Variants in CSMD1 observed in about 807,000 individuals in gnomAD.
The protein encoded by CSMD1 is CUB and sushi domain-containing protein 1.
A neutral mutation model predicts 417.5 loss-of-function variants in CSMD1; 213 were observed. The ratio of observed to expected loss-of-function variants is 0.51; its 90% CI spans 0.46 to 0.57. The LOEUF (loss-of-function observed/expected upper bound fraction) is 0.57. CSMD1 is among the 20% of genes least tolerant of loss of function. The pLI, the probability that CSMD1 is intolerant of heterozygous loss-of-function variation, is 0.00. For synonymous variants in CSMD1, 2,862 were observed against 1,736.8 expected, an observed-to-expected ratio of 1.65 and a Z score of -16.11; for missense variants, 6,923 against 4,529.7, an observed-to-expected ratio of 1.53 and a Z score of -15.17.
chr8:4,231,951 C>T (rs1271967527), intron 3 of CSMD1, among the ~76,000 whole-genome samples: 1 of 152,074 alleles, frequency 6.6e-6, no homozygotes, highest in Non-Finnish European at 1.5e-5. Context: ...CCTTTTCTAC[C>T]TCCTCCTTTC....
intron 3 of CSMD1, among the ~76,000 whole-genome samples, chr8:4,033,888 T>C (rs1052708060): frequency 1.9e-4 from 29 of 152,198 alleles, no homozygotes; most frequent in African/African-American, 7.0e-4. Flanking sequence ...TGGATGAAAT[T>C]CATCATTGTT....
intron 5 of CSMD1, among the ~76,000 whole-genome samples, chr8:3,882,425 G>T (rs1806268646): frequency 6.6e-6 from 1 of 152,162 alleles, no homozygotes. Flanking sequence ...TTGGTTATGT[G>T]GAGCAACTGG....
chr8:4,663,251 A>G (rs1178479072), intron 1 of CSMD1, among the ~76,000 whole-genome samples: 1 of 152,188 alleles, frequency 6.6e-6, no homozygotes, highest in Non-Finnish European at 1.5e-5. Flanking sequence ...ACTTTTCATT[A>G]CCTGTATATA....
intron 2 of CSMD1, among the ~76,000 whole-genome samples, chr8:4,505,393 T>G (rs1420752233): frequency 6.6e-6 from 1 of 151,426 alleles, no homozygotes; most frequent in Non-Finnish European, 1.5e-5. Flanking sequence ...TCTAAGATGA[T>G]AAATAAAGAT....
chr8:4,275,119 A>G (rs1280869548), intron 3 of CSMD1, among the ~76,000 whole-genome samples: 1 of 152,220 alleles, frequency 6.6e-6, no homozygotes. Context: ...CCTTATAAAG[A>G]TAACCAATGA....
chr8:3,361,035 A>C (rs1809128701), intron 20 of CSMD1, among the ~76,000 whole-genome samples: 1 of 152,174 alleles, frequency 6.6e-6, no homozygotes, highest in Non-Finnish European at 1.5e-5. Context: ...TTAGATAAGC[A>C]ATCTACTCTG....
chr8:4,519,258 G>A (rs1803296686), intron 2 of CSMD1, among the ~76,000 whole-genome samples: 1 of 151,964 alleles, frequency 6.6e-6, no homozygotes, highest in South Asian at 2.1e-4. Flanking sequence ...TGCTGGCCTG[G>A]CAAATTATAT....
At chr8:4,402,469 C>G (rs1432422556) in intron 3 of CSMD1, among the ~76,000 whole-genome samples, 1 of 152,142 alleles carries the variant, frequency 6.6e-6, no homozygotes, top group Non-Finnish European at 1.5e-5. Flanking sequence ...GCTTCCTGGT[C>G]TCTCTGTATG....
chr8:4,659,568 T>A (rs954957514), intron 1 of CSMD1, among the ~76,000 whole-genome samples: 1 of 152,032 alleles, frequency 6.6e-6, no homozygotes, highest in Non-Finnish European at 1.5e-5. Context: ...TTCACACATA[T>A]CAGATACCCA....
chr8:3,698,200 G>T (rs184727062), intron 7 of CSMD1, among the ~76,000 whole-genome samples: 145 of 152,290 alleles, frequency 9.5e-4, no homozygotes, highest in Middle Eastern at 3.4e-3. Flanking sequence ...CACTTGAAAA[G>T]ATATTTTAGC....
At chr8:3,753,677 G>C (rs1035059991) in intron 6 of CSMD1, among the ~76,000 whole-genome samples, 1 of 152,102 alleles carries the variant, frequency 6.6e-6, no homozygotes, top group Non-Finnish European at 1.5e-5. Flanking sequence ...ATAATAAATA[G>C]CTATTGATTA....
intron 3 of CSMD1, among the ~76,000 whole-genome samples, chr8:4,065,045 T>A (rs1799173753): frequency 6.6e-6 from 1 of 152,220 alleles, no homozygotes; most frequent in African/African-American, 2.4e-5. Flanking sequence ...ATGATTAAAA[T>A]GTGCTAAAAA....
At position 4,662,762 on chromosome 8, in the gene CSMD1, G is replaced by A. The variant is rs185996475; in HGVS notation, c.86-25204C>T. ...CTCCTGCTCCACCGTTCCTATGGAT[G>A]ATGCTCACATTCCTTTTCCACCAGG... On this transcript the variant is annotated intron_variant, in intron 1 of 69. Coordinates refer to ENST00000635120, the MANE Select transcript of CSMD1 (RefSeq NM_033225.6). 6.6e-5 allele frequency among the ~76,000 whole-genome samples: 10 copies of A among 152,288 alleles called. No individual in the cohort carries two copies. The East Asian group carries it at 1.9e-3, about 29-fold the overall frequency.
rs73512741 is a variant in CSMD1, at chr8:4,424,710, T to G, written c.303-4645A>C. On this transcript the variant is annotated intron_variant, in intron 2 of 69. Coordinates refer to ENST00000635120, the MANE Select transcript of CSMD1 (RefSeq NM_033225.6). ...TAACTGCCATCTGACCAAACAATTG[T>G]TCTTCTCTGCATTTGCCCTAGAAAT... 6.9e-3 allele frequency among the ~76,000 whole-genome samples: 1,048 copies of G among 152,192 alleles called. 5 individuals carry two copies. The highest frequency in any genetic ancestry group is 0.024 in the African/African-American group (991 of 41,546).
At chr8:3,266,060 T>C (rs910231990) in intron 26 of CSMD1, among the ~76,000 whole-genome samples, 1 of 151,830 alleles carries the variant, frequency 6.6e-6, no homozygotes, top group Non-Finnish European at 1.5e-5. Context: ...GCTTTGAAGT[T>C]ATTACCTTAT....
At chr8:4,209,587 C>A (rs1223192545) in intron 3 of CSMD1, among the ~76,000 whole-genome samples, 2 of 152,172 alleles carry the variant, frequency 1.3e-5, no homozygotes, top group Non-Finnish European at 2.9e-5. Flanking sequence ...CCTGCCTTTC[C>A]TTTTCCCTGT....
At chr8:3,522,064 A>C (rs573014592) in intron 10 of CSMD1, among the ~76,000 whole-genome samples, 1 of 152,188 alleles carries the variant, frequency 6.6e-6, no homozygotes, top group Non-Finnish European at 1.5e-5. Flanking sequence ...TTTTCTCCTT[A>C]TAGATATTTG....
intron 2 of CSMD1, among the ~76,000 whole-genome samples, chr8:4,445,280 A>G (rs1472759821): frequency 6.6e-6 from 1 of 152,108 alleles, no homozygotes; most frequent in Non-Finnish European, 1.5e-5. Flanking sequence ...GTCATTACCT[A>G]TGACATTCCG....
At chr8:4,712,598 T>C (rs193215317) in intron 1 of CSMD1, among the ~76,000 whole-genome samples, 18 of 152,328 alleles carry the variant, frequency 1.2e-4, no homozygotes, top group Admixed American at 3.3e-4. Context: ...ACTGAAGATA[T>C]TTAAGATCTA....
Sources: allele counts gnomAD v4.1 joint callset (sites outside exome capture counted in the v4.1 genomes callset), GRCh38; gene constraint gnomAD v4.1.1; transcripts MANE v1.5; gene names NCBI Gene and HGNC (gene_info 2026-07-23, HGNC 2026-07-21).